The following CES5A variants were observed in gnomAD, a reference collection of about 807,000 sequenced individuals.
CES5A encodes the protein carboxylesterase 5A.
Under a neutral mutation model 62.9 loss-of-function variants are expected in CES5A, and 67 were observed. The ratio of observed to expected loss-of-function variants is 1.07; its 90% CI spans 0.88 to 1.31. CES5A has a LOEUF of 1.31. Ranked by LOEUF, CES5A falls within the 50% of genes most tolerant of loss-of-function variation. The pLI, the probability that CES5A is intolerant of heterozygous loss-of-function variation, is 0.00. For synonymous variants in CES5A, 296 were observed against 280.8 expected, an observed-to-expected ratio of 1.05 and a Z score of -0.54; for missense variants, 748 against 708.5, an observed-to-expected ratio of 1.06 and a Z score of -0.63.
rs898500837 is a variant in CES5A, at chr16:55,884,405, T to A, written c.-255-10368A>T. 3.3e-5 allele frequency among the ~76,000 whole-genome samples: 5 copies of A among 152,354 alleles called. No individual in the cohort carries two copies. In the East Asian group the frequency reaches 9.7e-4, roughly 29 times the overall value. Reference sequence around the variant, plus strand: ...ACCCTCTTGTCTGATCCTCTGGCCTTGGTGATCATTAAAGTAATTGCAGCC... The same window carrying A: ...ACCCTCTTGTCTGATCCTCTGGCCTAGGTGATCATTAAAGTAATTGCAGCC... On this transcript the variant is annotated intron_variant, in intron 1 of 12. Transcript: ENST00000518005.
upstream of CES5A, among the ~76,000 whole-genome samples, chr16:55,879,166 C>T (rs1289632927): frequency 6.6e-6 from 1 of 151,130 alleles, no homozygotes; most frequent in Non-Finnish European, 1.5e-5. Flanking sequence ...TCACTGCACC[C>T]CACCACTGCA....
At chr16:55,931,044 A>G (rs2034306003) in intron 2 of CES5A, among the ~76,000 whole-genome samples, 1 of 152,230 alleles carries the variant, frequency 6.6e-6, no homozygotes, top group Non-Finnish European at 1.5e-5. Flanking sequence ...CCCATTTTCC[A>G]TATGGAGAAA....
chr16:55,942,740 C>A (rs2034457989), intron 2 of CES5A, among the ~76,000 whole-genome samples: 1 of 152,182 alleles, frequency 6.6e-6, no homozygotes, highest in Admixed American at 6.5e-5. Flanking sequence ...TCATTGCAGT[C>A]TTAATCATAA....
At chr16:55,876,174 G>A (rs1446313274), upstream of CES5A, among the ~76,000 whole-genome samples, 9 of 152,078 alleles carry the variant, frequency 5.9e-5, no homozygotes, top group Admixed American at 5.9e-4. Flanking sequence ...TGTGCCCTGT[G>A]GCTTCCCAAA....
intron 2 of CES5A, among the ~76,000 whole-genome samples, chr16:55,872,774 C>T (rs1322497883): frequency 1.3e-5 from 2 of 152,084 alleles, no homozygotes; most frequent in African/African-American, 2.4e-5. Context: ...CTTTGTTTCC[C>T]CTCAGCACCC....
intron 4 of CES5A, chr16:55,869,375 C>T (rs1271556951): frequency 1.4e-5 from 8 of 582,004 alleles, no homozygotes; most frequent in African/African-American, 1.9e-5. Flanking sequence ...GAATGTCTGC[C>T]GATCAGGGAT....
At position 55,921,117 on chromosome 16, in the gene CES5A, G is replaced by A. The variant is rs150078374; in HGVS notation, c.-256+4206C>T. On this transcript the variant is annotated intron_variant, in intron 1 of 12. Transcript: ENST00000518005. ...AAGCAATGAAGATTATCTACAAGAT[G>A]TAAAAAGTTACCTCAAAAGGCCAAA... Among the ~76,000 whole-genome samples, 371 of 152,114 alleles carry A rather than the reference G, an allele frequency of 2.4e-3. 2 individuals are homozygous for A. The highest frequency in any genetic ancestry group is 8.3e-3 in the African/African-American group (346 of 41,520).
At chr16:55,852,753 C>T in intron 10 of CES5A, 128 bp downstream of exon 10, 1 of 1,035,984 alleles carries the variant, frequency 9.7e-7, no homozygotes, top group South Asian at 1.9e-5. Flanking sequence ...CATCCAGGCA[C>T]ACCTGGAAAT....
chr16:55,869,000 G>A (rs2033526809), intron 4 of CES5A, among the ~76,000 whole-genome samples: 1 of 152,246 alleles, frequency 6.6e-6, no homozygotes, highest in Non-Finnish European at 1.5e-5. Context: ...AGGCCTGATT[G>A]GAGGAGGGAA....
intron 1 of CES5A, among the ~76,000 whole-genome samples, chr16:55,912,368 C>T (rs1339080591): frequency 6.6e-6 from 1 of 152,164 alleles, no homozygotes; most frequent in Non-Finnish European, 1.5e-5. Context: ...AGGAGCTGTG[C>T]TGTGCCGGGT....
chr16:55,853,116 T>C (rs2033165918), intron 9 of CES5A, 88 bp from the exon 10 acceptor site: 5 of 1,361,254 alleles, frequency 3.7e-6, no homozygotes, highest in African/African-American at 2.9e-5. Context: ...TGATTCTGAA[T>C]GCTTTACCCA....
chr16:55,940,913 C>T (rs879613642), intron 2 of CES5A, among the ~76,000 whole-genome samples: 1 of 151,518 alleles, frequency 6.6e-6, no homozygotes, highest in South Asian at 2.1e-4. Flanking sequence ...CATCATCATA[C>T]GTAATCCAGA....
upstream of CES5A, among the ~76,000 whole-genome samples, chr16:55,877,288 T>C (rs1419645086): frequency 6.6e-6 from 1 of 152,190 alleles, no homozygotes; most frequent in Non-Finnish European, 1.5e-5. Flanking sequence ...AAAGAAACTG[T>C]TTAAATTACT....
chr16:55,882,626 C>T (rs2033773592), intron 1 of CES5A, among the ~76,000 whole-genome samples: 1 of 152,208 alleles, frequency 6.6e-6, no homozygotes, highest in South Asian at 2.1e-4. Context: ...GGAATTTGGG[C>T]TAGAGCCACA....
chr16:55,883,357 C>T (rs1194607747), intron 1 of CES5A, among the ~76,000 whole-genome samples: 1 of 152,174 alleles, frequency 6.6e-6, no homozygotes. Context: ...CTGCAACCTC[C>T]ACCTCCTGGG....
At chr16:55,912,407 G>C (rs1416516544) in intron 1 of CES5A, among the ~76,000 whole-genome samples, 5 of 152,196 alleles carry the variant, frequency 3.3e-5, no homozygotes, top group African/African-American at 9.6e-5. Flanking sequence ...TTGTCTGCTA[G>C]GGTGGAAGGG....
At chr16:55,910,153 G>A (rs2034079545) in intron 1 of CES5A, among the ~76,000 whole-genome samples, 1 of 152,172 alleles carries the variant, frequency 6.6e-6, no homozygotes, top group Non-Finnish European at 1.5e-5. Flanking sequence ...GATGTGCCCT[G>A]TGGCCACACC....
At chr16:55,947,948 C>T (rs2034514141) in intron 2 of CES5A, among the ~76,000 whole-genome samples, 1 of 151,898 alleles carries the variant, frequency 6.6e-6, no homozygotes, top group Non-Finnish European at 1.5e-5. Context: ...GCCAAGGAGA[C>T]ACACGAATGG....
chr16:55,857,732 C>A (rs192831441), intron 8 of CES5A, among the ~76,000 whole-genome samples: 71 of 152,298 alleles, frequency 4.7e-4, no homozygotes, highest in African/African-American at 1.5e-3. Context: ...TTGAATAACT[C>A]CAATATCTAG....
Sources: gnomAD v4.1 joint callset for allele counts (sites outside exome capture counted in the v4.1 genomes callset) on GRCh38, gnomAD v4.1.1 for gene constraint, MANE v1.5 for transcripts, NCBI Gene and HGNC (gene_info 2026-07-23, HGNC 2026-07-21) for gene names.